The following TRIT1 variants were observed in gnomAD, a reference collection of about 807,000 sequenced individuals.
The protein encoded by TRIT1 is tRNA isopentenyltransferase 1, also known as tRNA dimethylallyltransferase.
In TRIT1, 43 loss-of-function variants were observed where a neutral mutation model predicts 51.2. The ratio of observed to expected loss-of-function variants is 0.84; its 90% CI spans 0.66 to 1.08. The LOEUF (loss-of-function observed/expected upper bound fraction) is 1.08, where lower values mean the gene tolerates loss of function less well. Among genes scored for constraint, TRIT1 ranks in the 50% least tolerant of loss-of-function variants. TRIT1 has a pLI of 0.00. For synonymous variants in TRIT1, 184 were observed against 203.9 expected, an observed-to-expected ratio of 0.90 and a Z score of 0.83; for missense variants, 528 against 578.4, an observed-to-expected ratio of 0.91 and a Z score of 0.89.
Position 39,841,929 on chromosome 1 carries a change from C to A in TRIT1, c.1235-16G>T. 6.3e-7 allele frequency: 1 copy of A among 1,583,408 alleles called. No homozygotes were observed. The highest frequency in any genetic ancestry group is 1.2e-5 in the South Asian group (1 of 85,744). Reference sequence around the variant, plus strand: ...TTTATGTGCGCTGATAAGACAAAATCAAACCAAACAAACAAAAAAACTCAT... The same window carrying A: ...TTTATGTGCGCTGATAAGACAAAATAAAACCAAACAAACAAAAAAACTCAT... On this transcript the variant is annotated splice_polypyrimidine_tract_variant and intron_variant, in intron 10 of 10. Transcript: ENST00000316891.
At chr1:39,861,050 C>T (rs1335764791) in intron 1 of TRIT1, among the ~76,000 whole-genome samples, 1 of 152,184 alleles carries the variant, frequency 6.6e-6, no homozygotes, top group Non-Finnish European at 1.5e-5. Context: ...GCACTCTAGC[C>T]TGGGCGACGG....
intron 4 of TRIT1, 133 bp from the exon 5 acceptor site, chr1:39,850,394 T>C (rs888644054): frequency 1.5e-5 from 18 of 1,196,378 alleles, no homozygotes; most frequent in Non-Finnish European, 1.9e-5. Context: ...CACGACAGTG[T>C]GCACATCTGT....
rs191357281 is a variant in TRIT1 at position 39,853,731 on chromosome 1, A to G, written c.414+239T>C. Among the ~76,000 whole-genome samples the G allele has an allele frequency of 2.7e-4, 41 of 152,278 alleles. 1 individual carries two copies. The highest frequency in any genetic ancestry group is 3.4e-3 in the Middle Eastern group (1 of 294). On this transcript the variant is annotated intron_variant, in intron 3 of 10. Coordinates refer to ENST00000316891, the MANE Select transcript of TRIT1 (RefSeq NM_017646.6). ...CTGGCCTAATGAACTGTTAATTTAT[A>G]TGGAGATGCTAATTAATCCACACAG...
chr1:39,867,593 A>G (rs1364477406), intron 1 of TRIT1, among the ~76,000 whole-genome samples: 1 of 152,236 alleles, frequency 6.6e-6, no homozygotes, highest in East Asian at 1.9e-4. Flanking sequence ...ATTGGCACAT[A>G]TTTTTAAGTT....
At chr1:39,862,742 G>C (rs556934195) in intron 1 of TRIT1, 13 of 983,352 alleles carry the variant, frequency 1.3e-5, no homozygotes, top group African/African-American at 1.7e-5. Flanking sequence ...TACCAGCCTA[G>C]AAAACATTCA....
At chr1:39,866,898 G>A (rs951698159) in intron 1 of TRIT1, among the ~76,000 whole-genome samples, 2 of 152,168 alleles carry the variant, frequency 1.3e-5, no homozygotes, top group African/African-American at 2.4e-5. Context: ...AGACTGAGGT[G>A]GGAGGACTGC....
chr1:39,863,917 A>T (rs962278700), intron 1 of TRIT1, among the ~76,000 whole-genome samples: 12 of 152,180 alleles, frequency 7.9e-5, no homozygotes, highest in African/African-American at 2.9e-4. Context: ...GTTCACTGGG[A>T]GACATCTGGC....
chr1:39,858,002 G>T (rs1643001196), intron 1 of TRIT1, among the ~76,000 whole-genome samples: 1 of 152,098 alleles, frequency 6.6e-6, no homozygotes, highest in South Asian at 2.1e-4. Flanking sequence ...CTGCTTCAGG[G>T]GTCAGCAAGG....
At position 39,873,056 on chromosome 1, in the gene TRIT1, T is replaced by C. The variant is rs186287654; in HGVS notation, c.174+10262A>G. 1.8e-3 allele frequency among the ~76,000 whole-genome samples: 269 copies of C among 152,318 alleles called. 2 individuals carry two copies. The highest frequency in any genetic ancestry group is 6.0e-3 in the African/African-American group (251 of 41,570). On this transcript the variant is annotated intron_variant, in intron 1 of 10. Transcript: ENST00000316891. Reference sequence around the variant, plus strand: ...ATGTCCGCAAATTATTTGATAAGCTTTCATCCTGGAAATGAAGCTTAATTC... The same window carrying C: ...ATGTCCGCAAATTATTTGATAAGCTCTCATCCTGGAAATGAAGCTTAATTC...
chr1:39,878,949 T>G (rs575511510), intron 1 of TRIT1, among the ~76,000 whole-genome samples: 1 of 152,264 alleles, frequency 6.6e-6, no homozygotes, highest in South Asian at 2.1e-4. Context: ...TGTTGCACAC[T>G]CCTAAGAAGG....
At chr1:39,850,046 G>A in intron 5 of TRIT1, 73 bp downstream of exon 5, 1 of 1,528,726 alleles carries the variant, frequency 6.5e-7, no homozygotes, top group Non-Finnish European at 8.9e-7. Context: ...ATGGTTCTCA[G>A]CATTTTCTAT....
At chr1:39,881,840 T>C (rs1644275716) in intron 1 of TRIT1, among the ~76,000 whole-genome samples, 2 of 152,210 alleles carry the variant, frequency 1.3e-5, no homozygotes, top group South Asian at 4.1e-4. Context: ...CTAGCATCTG[T>C]AGTCTCTCTC....
At chr1:39,879,330 G>A (rs1458810906) in intron 1 of TRIT1, among the ~76,000 whole-genome samples, 1 of 151,980 alleles carries the variant, frequency 6.6e-6, no homozygotes, top group Non-Finnish European at 1.5e-5. Context: ...CATCTTAAAG[G>A]AAATGGCTTT....
chr1:39,838,414 T>C lies in TRIT1; in HGVS notation c.*3330A>G, dbSNP rs1333741. ...TCTAGGTGCTAGGGATATTGACAAGTCACTGCATTCATAAAAGGTTGATTT... is the reference window on the plus strand; with the variant it reads ...TCTAGGTGCTAGGGATATTGACAAGCCACTGCATTCATAAAAGGTTGATTT... On this transcript the variant is annotated 3_prime_UTR_variant, in exon 11 of 11. Coordinates refer to ENST00000316891, the MANE Select transcript of TRIT1 (RefSeq NM_017646.6). Among the ~76,000 whole-genome samples, 27,970 of 152,096 alleles carry C rather than the reference T, an allele frequency of 0.18. 2,718 individuals are homozygous for C. The highest frequency in any genetic ancestry group is 0.22 in the Non-Finnish European group (14,778 of 67,966).
rs1436643475 is a variant in TRIT1 at position 39,839,124 on chromosome 1, A to G, written c.*2620T>C. Among the ~76,000 whole-genome samples, 1 of 152,206 alleles carries G rather than the reference A, an allele frequency of 6.6e-6. No individual in the cohort carries two copies. On this transcript the variant is annotated 3_prime_UTR_variant, in exon 11 of 11. Coordinates refer to ENST00000316891, the MANE Select transcript of TRIT1 (RefSeq NM_017646.6). ...ACCTAATAGCTCACTGAGTATTGGA[A>G]TTAATTGCCAAAGCCATTTAGATAG...
At chr1:39,852,700 A>C (rs1642653378) in intron 4 of TRIT1, 31 bp downstream of exon 4, 1 of 1,606,530 alleles carries the variant, frequency 6.2e-7, no homozygotes, top group Non-Finnish European at 8.5e-7. Context: ...GTTGTAAAGG[A>C]ATTTGGGGTC....
chr1:39,863,824 A>G (rs1557563411), intron 1 of TRIT1, among the ~76,000 whole-genome samples: 1 of 152,162 alleles, frequency 6.6e-6, no homozygotes, highest in Non-Finnish European at 1.5e-5. Context: ...AAAACAAAAA[A>G]CAAAAAAAGA....
Position 39,852,654 on chromosome 1 carries a change from A to G in TRIT1, c.560+77T>C, listed in dbSNP as rs984530128. The G allele has an allele frequency of 4.6e-6, 7 of 1,535,874 alleles. No homozygotes were observed. In the African/African-American group the frequency reaches 9.7e-5, roughly 21 times the overall value. On this transcript the variant is annotated intron_variant, in intron 4 of 10. Coordinates refer to ENST00000316891, the MANE Select transcript of TRIT1 (RefSeq NM_017646.6). ...TAACTGCTATTACCAAATCTCTCTC[A>G]TCATCTGGGCAAACTGAAGAACTGA...
intron 1 of TRIT1, among the ~76,000 whole-genome samples, chr1:39,872,426 C>G (rs1570117046): frequency 6.6e-6 from 1 of 152,122 alleles, no homozygotes; most frequent in East Asian, 1.9e-4. Flanking sequence ...ACATTGTACT[C>G]TAGTTGGTAA....
Sources: gnomAD v4.1 joint callset for allele counts (sites outside exome capture counted in the v4.1 genomes callset) on GRCh38, gnomAD v4.1.1 for gene constraint, MANE v1.5 for transcripts, NCBI Gene and HGNC (gene_info 2026-07-23, HGNC 2026-07-21) for gene names.